Variants in CFAP251 observed in about 807,000 individuals in gnomAD.
CFAP251 encodes cilia- and flagella-associated protein 251.
In CFAP251, 93 loss-of-function variants were observed where a neutral mutation model predicts 126.7. That is an observed-to-expected ratio of 0.73 (90% CI 0.62 to 0.87). The LOEUF is 0.87. Among genes scored for constraint, CFAP251 ranks in the 40% least tolerant of loss-of-function variants. The probability of loss-of-function intolerance (pLI) is 0.00; values close to 1 mark genes in which losing one functional copy is unlikely to be tolerated. For missense variants in CFAP251, 1,287 were observed against 1,389.2 expected, an observed-to-expected ratio of 0.93 and a Z score of 1.17; for synonymous variants, 503 against 506.9, an observed-to-expected ratio of 0.99 and a Z score of 0.10.
chr12:121,963,496 G>A (rs191292868), intron 15 of CFAP251, among the ~76,000 whole-genome samples: 227 of 151,574 alleles, frequency 1.5e-3, no homozygotes, highest in African/African-American at 5.2e-3. Context: ...GGCACGAGAC[G>A]GGGAGGACAC....
intron 1 of CFAP251, among the ~76,000 whole-genome samples, chr12:121,919,627 A>G (rs1880074332): frequency 6.6e-6 from 1 of 152,182 alleles, no homozygotes; most frequent in African/African-American, 2.4e-5. Context: ...CCAAGGTCAC[A>G]GAGCAAGTAC....
At chr12:121,994,877 T>A (rs1882988492) in intron 19 of CFAP251, among the ~76,000 whole-genome samples, 1 of 143,856 alleles carries the variant, frequency 7.0e-6, no homozygotes, top group African/African-American at 2.6e-5. Context: ...CACTTGTTTA[T>A]CTGCTGACCT....
intron 15 of CFAP251, among the ~76,000 whole-genome samples, chr12:121,962,561 C>T (rs956935888): frequency 8.5e-5 from 13 of 152,064 alleles, no homozygotes; most frequent in South Asian, 8.3e-4. Context: ...AGCCAGGTAC[C>T]GTTTTAGGTG....
At chr12:121,928,120 G>A (rs1880492394) in intron 3 of CFAP251, among the ~76,000 whole-genome samples, 1 of 152,194 alleles carries the variant, frequency 6.6e-6, no homozygotes, top group South Asian at 2.1e-4. Context: ...GAAGACAGGA[G>A]TCCTTTTAGG....
In CFAP251 at chr12:121,931,777, C is replaced by G. The variant is rs1880701376; in HGVS notation, c.779C>G (p.Ser260Cys). 5.6e-6 allele frequency: 9 copies of G among 1,598,930 alleles called. No individual in the cohort carries two copies. The highest frequency in any genetic ancestry group is 7.7e-6 in the Non-Finnish European group (9 of 1,173,754). The change falls in exon 4 of 22, where the codon TCT becomes TGT. Residue 260 changes from serine (S) to cysteine (C), a missense_variant. Transcript: ENST00000288912. ...ACCTGGTCGTTTGGATGGAACAGTT[C>G]TCTTCCTGTTTACTATATTCGAGAG... Reference protein sequence around the residue: ...TMTWSFGWNSSLPVYYIREER... With the variant: ...TMTWSFGWNSCLPVYYIREER...
chr12:121,971,865 G>C (rs1882338554), intron 17 of CFAP251: 1 of 450,008 alleles, frequency 2.2e-6, no homozygotes, highest in African/African-American at 2.0e-5. Flanking sequence ...TGGTGGGGGA[G>C]CAGGGGGTGG....
chr12:121,927,710 G>A (rs1880475274), intron 3 of CFAP251, among the ~76,000 whole-genome samples: 1 of 152,194 alleles, frequency 6.6e-6, no homozygotes, highest in South Asian at 2.1e-4. Flanking sequence ...TCTCTCCTGT[G>A]TCCACAGCAT....
intron 15 of CFAP251, among the ~76,000 whole-genome samples, chr12:121,965,165 G>A: frequency 6.6e-6 from 1 of 152,176 alleles, no homozygotes; most frequent in East Asian, 1.9e-4. Flanking sequence ...TGAAAAGGCA[G>A]TTCACAGGAA....
chr12:121,950,401 A>C (rs1165567059), intron 8 of CFAP251: 2 of 152,182 alleles, frequency 1.3e-5, no homozygotes, highest in Non-Finnish European at 1.5e-5. Context: ...AGCATTGTGA[A>C]TGTATGAAAC....
chr12:121,979,595 T>C (rs1266284336), intron 19 of CFAP251, among the ~76,000 whole-genome samples: 2 of 88,866 alleles, frequency 2.3e-5, no homozygotes, highest in African/African-American at 7.8e-5. Context: ...GACAGCATCT[T>C]GCTCTGTCAC....
chr12:121,962,273 C>A, intron 15 of CFAP251, 111 bp downstream of exon 15: 1 of 987,668 alleles, frequency 1.0e-6, no homozygotes, highest in South Asian at 1.6e-5. Context: ...CTATTATCAT[C>A]CTCTTTGCTT....
intron 7 of CFAP251, chr12:121,948,782 G>C (rs1219549722): frequency 2.5e-6 from 1 of 403,638 alleles, no homozygotes. Flanking sequence ...GATCAAACTG[G>C]AAAGGGAACA....
intron 1 of CFAP251, among the ~76,000 whole-genome samples, chr12:121,919,198 G>T (rs1365685854): frequency 6.6e-6 from 1 of 151,404 alleles, no homozygotes; most frequent in African/African-American, 2.4e-5. Flanking sequence ...TGCTGAGAAA[G>T]AAATTAAGAA....
chr12:121,993,840 G>A (rs1882949630), intron 19 of CFAP251, among the ~76,000 whole-genome samples: 2 of 127,058 alleles, frequency 1.6e-5, no homozygotes, highest in East Asian at 5.2e-4. Flanking sequence ...GTCCGGGAGG[G>A]AGGTGGGGGG....
chr12:121,957,155 G>A lies in CFAP251; in HGVS notation c.1617G>A (p.Leu539=). The change falls in exon 11 of 22, where the codon TTG becomes TTA. Residue 539 remains leucine (L), a synonymous_variant. Transcript: ENST00000288912. ...CTATTGTTAACTGGTACAGTCACTTGAAACTGGGCGCCATAAGAACTCTGT... is the reference window on the plus strand; with the variant it reads ...CTATTGTTAACTGGTACAGTCACTTAAAACTGGGCGCCATAAGAACTCTGT... ...TLSIVNWYSH[L]KLGAIRTLSF... 1 of 1,614,096 alleles carries A rather than the reference G, an allele frequency of 6.2e-7. No homozygotes were observed. Among genetic ancestry groups the A allele is most frequent in the Non-Finnish European group, 8.5e-7 (1 of 1,180,010 alleles).
intron 10 of CFAP251, among the ~76,000 whole-genome samples, chr12:121,954,991 A>G (rs1025256786): frequency 1.3e-5 from 2 of 152,150 alleles, no homozygotes; most frequent in South Asian, 4.1e-4. Context: ...TAGCTGTATT[A>G]TTTTTGTCTG....
chr12:121,995,969 T>C (rs1169106054), intron 19 of CFAP251, among the ~76,000 whole-genome samples: 1 of 152,184 alleles, frequency 6.6e-6, no homozygotes, highest in Admixed American at 6.5e-5. Flanking sequence ...CTCACCGAAA[T>C]TGTGATTGGA....
intron 15 of CFAP251, among the ~76,000 whole-genome samples, chr12:121,965,148 AAG>A (rs1312812378): frequency 1.3e-5 from 2 of 152,350 alleles, no homozygotes; most frequent in East Asian, 3.9e-4. Flanking sequence ...AAAGATTTGA[AAG>A]AACATGAAAA....
chr12:121,923,885 A>T lies in CFAP251; in HGVS notation c.642A>T (p.Val214=). 1 of 1,614,180 alleles carries T rather than the reference A, an allele frequency of 6.2e-7. No individual in the cohort carries two copies. The highest frequency in any genetic ancestry group is 8.5e-7 in the Non-Finnish European group (1 of 1,180,048). The part of the protein sequence containing the change: ...ENREEGQERR[V]SDIQSKAGIS... ...GAGAGGAGGGACAAGAAAGGAGAGTATCCGACATCCAGTCCAAAGCAGGGA... is the reference window on the plus strand; with the variant it reads ...GAGAGGAGGGACAAGAAAGGAGAGTTTCCGACATCCAGTCCAAAGCAGGGA... Residue 214 remains valine (V), a synonymous_variant, in exon 3 of 22, where the codon GTA becomes GTT. Transcript: ENST00000288912.
Sources: allele counts gnomAD v4.1 joint callset (sites outside exome capture counted in the v4.1 genomes callset), GRCh38; gene constraint gnomAD v4.1.1; transcripts MANE v1.5; gene names NCBI Gene and HGNC (gene_info 2026-07-23, HGNC 2026-07-21).